Variants in TGS1 observed in about 807,000 individuals in gnomAD.
TGS1 encodes the protein trimethylguanosine synthase.
Under a neutral mutation model 92.2 loss-of-function variants are expected in TGS1, and 69 were observed. The observed-to-expected ratio is 0.75, with a 90% confidence interval of 0.62 to 0.91. The LOEUF (loss-of-function observed/expected upper bound fraction) is 0.91. TGS1 is among the 40% of genes least tolerant of loss of function. The pLI is 0.00. For missense variants in TGS1, 1,062 were observed against 1,001.2 expected, an observed-to-expected ratio of 1.06 and a Z score of -0.82; for synonymous variants, 345 against 338.1, an observed-to-expected ratio of 1.02 and a Z score of -0.22.
chr8:55,790,097 T>G, intron 4 of TGS1, 85 bp from the exon 5 acceptor site: 2 of 961,110 alleles, frequency 2.1e-6, no homozygotes, highest in Non-Finnish European at 3.3e-6. Context: ...GAAAAGGTGC[T>G]AAAATATTTT....
chr8:55,790,422 T>C, intron 5 of TGS1, 123 bp downstream of exon 5: 1 of 684,258 alleles, frequency 1.5e-6, no homozygotes, highest in South Asian at 1.9e-5. Flanking sequence ...AGAGGCAGGA[T>C]CTACTGGTAA....
chr8:55,808,475 A>G (rs1803242915), intron 10 of TGS1, among the ~76,000 whole-genome samples: 1 of 151,464 alleles, frequency 6.6e-6, no homozygotes, highest in Admixed American at 6.6e-5. Flanking sequence ...CAAACCGTCT[A>G]TATGTAGATA....
chr8:55,798,575 T>G (rs1286533033), intron 7 of TGS1, among the ~76,000 whole-genome samples: 1 of 152,240 alleles, frequency 6.6e-6, no homozygotes, highest in East Asian at 1.9e-4. Context: ...GTAGGTACAT[T>G]TGTAATGTAG....
At chr8:55,778,013 A>T (rs1316481071) in intron 1 of TGS1, among the ~76,000 whole-genome samples, 1 of 152,028 alleles carries the variant, frequency 6.6e-6, no homozygotes, top group Non-Finnish European at 1.5e-5. Flanking sequence ...GGTTGACATC[A>T]GTAATCCAAG....
chr8:55,805,340 G>A (rs988540122), intron 10 of TGS1, among the ~76,000 whole-genome samples: 2 of 152,062 alleles, frequency 1.3e-5, no homozygotes, highest in Non-Finnish European at 2.9e-5. Flanking sequence ...AAAGAAACTC[G>A]CAGATGAATC....
intron 8 of TGS1, 137 bp from the exon 9 acceptor site, chr8:55,802,320 C>G (rs1368550950): frequency 1.0e-4 from 66 of 662,378 alleles, no homozygotes; most frequent in Non-Finnish European, 1.6e-4. Flanking sequence ...CCATCAGGCT[C>G]TCCTGTTTCT....
At chr8:55,802,949 G>T (rs1196548765) in intron 9 of TGS1, among the ~76,000 whole-genome samples, 1 of 150,136 alleles carries the variant, frequency 6.7e-6, no homozygotes, top group Admixed American at 6.6e-5. Context: ...TCCTAATCTT[G>T]TCCTTTATCA....
rs535911640 is a variant in TGS1, at chr8:55,801,885, T to A, written c.1850-572T>A. Among the ~76,000 whole-genome samples the A allele has an allele frequency of 3.9e-5, 6 of 152,146 alleles. No individual in the cohort carries two copies. In the East Asian group the frequency reaches 9.7e-4, roughly 25 times the overall value. ...CCACCTCGCTCAGCCCACTCATTCC[T>A]TTTATAGGAATTAATAATTGGAGTT... is the stretch of plus-strand genomic sequence containing the variant. On this transcript the variant is annotated intron_variant, in intron 8 of 12. Coordinates refer to ENST00000260129, the MANE Select transcript of TGS1 (RefSeq NM_024831.8).
chr8:55,802,663 AAAGTTAT>A, intron 9 of TGS1, 57 bp downstream of exon 9: 3 of 1,509,464 alleles, frequency 2.0e-6, no homozygotes, highest in Non-Finnish European at 2.7e-6. Context: ...ACTTAAAAAG[AAAGTTAT>A]AAGAATAATA....
At chr8:55,803,105 T>C (rs1812266337) in intron 9 of TGS1, among the ~76,000 whole-genome samples, 1 of 151,608 alleles carries the variant, frequency 6.6e-6, no homozygotes, top group African/African-American at 2.4e-5. Context: ...CCATTTATTT[T>C]ATAGGATGCC....
intron 3 of TGS1, 45 bp from the exon 4 acceptor site, chr8:55,786,193 A>G: frequency 9.8e-7 from 1 of 1,016,014 alleles, no homozygotes. Context: ...TTTCTTTTAT[A>G]GTTCATAAAG....
At position 55,810,873 on chromosome 8, in the gene TGS1, A is replaced by G. The variant is rs756916687; in HGVS notation, c.2144-8A>G. 1.9e-6 allele frequency: 3 copies of G among 1,612,012 alleles called. No individual in the cohort carries two copies. Among genetic ancestry groups the G allele is most frequent in the South Asian group, 1.1e-5 (1 of 91,016 alleles). ...AATTAACTCATTTTTTTCTTTTCCC[A>G]CTTTTAGTGATTGCCATTGATATCG... On this transcript the variant is annotated splice_polypyrimidine_tract_variant and splice_region_variant and intron_variant, in intron 10 of 12. Transcript: ENST00000260129.
chr8:55,793,116 A>G (rs978809819), intron 6 of TGS1, among the ~76,000 whole-genome samples: 9 of 152,234 alleles, frequency 5.9e-5, no homozygotes, highest in Non-Finnish European at 1.2e-4. Flanking sequence ...AGTGTCTCAC[A>G]TGTGTACATC....
At chr8:55,821,454 G>A (rs1171085806) in intron 12 of TGS1, among the ~76,000 whole-genome samples, 3 of 151,898 alleles carry the variant, frequency 2.0e-5, no homozygotes, top group Non-Finnish European at 4.4e-5. Flanking sequence ...TCTTACCTCC[G>A]TTTTTTATTT....
intron 9 of TGS1, 146 bp downstream of exon 9, chr8:55,802,752 C>G (rs1812254668): frequency 2.9e-6 from 2 of 700,654 alleles, no homozygotes; most frequent in Non-Finnish European, 4.6e-6. Context: ...CGTTCTCATT[C>G]TCTCTCCATA....
chr8:55,782,942 TCAGA>T (rs1811608003), intron 2 of TGS1, 130 bp downstream of exon 2: 6 of 620,868 alleles, frequency 9.7e-6, no homozygotes, highest in Non-Finnish European at 1.4e-5. Flanking sequence ...AATTCTGTAA[TCAGA>T]CAATTTTTAT....
At chr8:55,818,496 ATC>A (rs1248996517) in intron 12 of TGS1, among the ~76,000 whole-genome samples, 1 of 152,228 alleles carries the variant, frequency 6.6e-6, no homozygotes, top group Non-Finnish European at 1.5e-5. Context: ...TCAGTGCTTA[ATC>A]ATACACTGCA....
chr8:55,798,653 T>C (rs1195510534), intron 7 of TGS1, among the ~76,000 whole-genome samples: 1 of 152,246 alleles, frequency 6.6e-6, no homozygotes, highest in Non-Finnish European at 1.5e-5. Flanking sequence ...CTTTATCCTC[T>C]TAGTATTTAT....
chr8:55,820,225 T>C (rs1041224010), intron 12 of TGS1, among the ~76,000 whole-genome samples: 3 of 152,148 alleles, frequency 2.0e-5, no homozygotes, highest in African/African-American at 4.8e-5. Flanking sequence ...TCGTGCACTT[T>C]TACTTTAAAT....
Sources: gnomAD v4.1 joint callset for allele counts (sites outside exome capture counted in the v4.1 genomes callset) on GRCh38, gnomAD v4.1.1 for gene constraint, MANE v1.5 for transcripts, NCBI Gene and HGNC (gene_info 2026-07-23, HGNC 2026-07-21) for gene names.